The following DBX1 variants were observed in gnomAD, a reference collection of about 807,000 sequenced individuals.
DBX1 encodes homeobox protein DBX1.
DBX1 carries 10 observed loss-of-function variants against 20.8 expected under a neutral mutation model. The ratio of observed to expected loss-of-function variants is 0.48; its 90% CI spans 0.30 to 0.82. The LOEUF is 0.82. Among genes scored for constraint, DBX1 ranks in the 40% least tolerant of loss-of-function variants. The probability of loss-of-function intolerance (pLI) is 0.07; values close to 1 mark genes in which losing one functional copy is unlikely to be tolerated. For synonymous variants in DBX1, 241 were observed against 213.9 expected (o/e 1.13, Z -1.11); for missense variants, 505 against 468.8 (o/e 1.08, Z -0.71).
intron 2 of DBX1, among the ~76,000 whole-genome samples, chr11:20,157,807 T>C (rs574489714): frequency 5.3e-5 from 8 of 152,108 alleles, no homozygotes; most frequent in Non-Finnish European, 1.0e-4. Flanking sequence ...ACATGAAAAG[T>C]GGCAGCTAAT....
At position 20,156,718 on chromosome 11, in the gene DBX1, G is replaced by A. The variant is rs141377030; in HGVS notation, c.673-145C>T. Reference sequence around the variant, plus strand: ...CTCCCCACCCCCAGAAATGAGTTCCGGTGGATTCCCGCATTGACTCCGCCC... The same window carrying A: ...CTCCCCACCCCCAGAAATGAGTTCCAGTGGATTCCCGCATTGACTCCGCCC... On this transcript the variant is annotated intron_variant, in intron 3 of 3. Transcript: ENST00000524983. The surrounding 1 kb of genome is among the most constrained non-coding windows in gnomAD (Gnocchi z 4.8). 2 of 1,268,044 alleles carry A rather than the reference G, an allele frequency of 1.6e-6. No individual in the cohort carries two copies. The highest frequency in any genetic ancestry group is 2.3e-6 in the Non-Finnish European group (2 of 875,050). The allele number at this position is 1,268,044 out of a possible 1,614,324, so 78.5% of individuals were successfully genotyped here.
At position 20,156,666 on chromosome 11, in the gene DBX1, C is replaced by G. The variant is rs1472810666; in HGVS notation, c.673-93G>C. Reference sequence around the variant, plus strand: ...CGGGGGCGGGGAGTGGAGTCGGGTGCAGGCTCTGTCCTTCGGGCTGTGTCC... The same window carrying G: ...CGGGGGCGGGGAGTGGAGTCGGGTGGAGGCTCTGTCCTTCGGGCTGTGTCC... On this transcript the variant is annotated intron_variant, in intron 3 of 3. Transcript: ENST00000524983. The surrounding 1 kb of genome is among the most constrained non-coding windows in gnomAD (Gnocchi z 4.8). 6.4e-7 allele frequency: 1 copy of G among 1,563,678 alleles called. No homozygotes were observed.
chr11:20,157,220 G>C lies in DBX1; in HGVS notation c.489C>G (p.Pro163=). 6.3e-7 allele frequency: 1 copy of C among 1,580,722 alleles called. No individual in the cohort carries two copies. The highest frequency in any genetic ancestry group is 1.1e-5 in the South Asian group (1 of 87,636). The change falls in exon 3 of 4, where the codon CCC becomes CCG. Residue 163 remains proline (P), a synonymous_variant. Coordinates refer to ENST00000524983, the MANE Select transcript of DBX1 (RefSeq NM_001029865.4). Reference sequence around the variant, plus strand: ...GCGGCCAGGAGAAGGTCCCGGGGATGGGCACCACGCTGGAGGAAGCTGCAG... The same window carrying C: ...GCGGCCAGGAGAAGGTCCCGGGGATCGGCACCACGCTGGAGGAAGCTGCAG... ...SYFPASSSVV[P]IPGTFSWPLA... is the part of the protein sequence containing the mutation.
At position 20,159,209 on chromosome 11, in the gene DBX1, T is replaced by A; in HGVS notation, c.451A>T (p.Arg151Ter). 1 of 1,612,864 alleles carries A rather than the reference T, an allele frequency of 6.2e-7. No individual in the cohort carries two copies. The highest frequency in any genetic ancestry group is 8.5e-7 in the Non-Finnish European group (1 of 1,179,270). ...GACCTACCTGGGAAATAAGAAGATCTGATGAAAGGCTGAAAAGACCCTTCG... is the reference window on the plus strand; with the variant it reads ...GACCTACCTGGGAAATAAGAAGATCAGATGAAAGGCTGAAAAGACCCTTCG... ...YFEGSFQPFIRSSYFPASSSV... is the reference protein window; with the variant it reads ...YFEGSFQPFI Residue 151 changes from arginine (R) to a stop codon, truncating the protein, a stop_gained, in exon 2 of 4, where the codon AGA becomes TGA. Coordinates refer to ENST00000524983, the MANE Select transcript of DBX1 (RefSeq NM_001029865.4). LOFTEE classifies it high-confidence loss of function.
Position 20,160,052 on chromosome 11 carries a change from C to G in DBX1, c.273G>C (p.Arg91=). 1 of 1,583,082 alleles carries G rather than the reference C, an allele frequency of 6.3e-7. No homozygotes were observed. Among genetic ancestry groups the G allele is most frequent in the African/African-American group, 1.3e-5 (1 of 74,136 alleles). The change falls in exon 1 of 4, where the codon CGG becomes CGC. Residue 91 remains arginine (R), a synonymous_variant. Transcript: ENST00000524983. ...DLGSPGPGSR[R]GGSPPTAFSP... ...AGAAGGCAGTCGGCGGAGAGCCGCC[C>G]CGTCGGCTGCCGGGACCCGGGGAGC...
In DBX1 at chr11:20,157,251, G is replaced by A. The variant is rs2063664752; in HGVS notation, c.470-12C>T. On this transcript the variant is annotated splice_polypyrimidine_tract_variant and intron_variant, in intron 2 of 3. Coordinates refer to ENST00000524983, the MANE Select transcript of DBX1 (RefSeq NM_001029865.4). ...CACGCTGGAGGAAGCTGCAGGGTGG[G>A]GGGAGGTGGCGAGTGAGTGGGCGTA... The A allele has an allele frequency of 1.9e-6, 3 of 1,550,770 alleles. No homozygotes were observed. The highest frequency in any genetic ancestry group is 1.9e-5 in the Admixed American group (1 of 52,220).
In DBX1 at chr11:20,156,804, T is replaced by C. The variant is rs1218763949; in HGVS notation, c.673-231A>G. On this transcript the variant is annotated intron_variant, in intron 3 of 3. Coordinates refer to ENST00000524983, the MANE Select transcript of DBX1 (RefSeq NM_001029865.4). This position sits in a 1 kb window ranked among gnomAD's most constrained non-coding sequence, Gnocchi z 4.8. Reference sequence around the variant, plus strand: ...TGCCACCCTGCCCCGAAGGGCGGGGTTGGGGGCCGGTGAGGCCGGGAGAGA... The same window carrying C: ...TGCCACCCTGCCCCGAAGGGCGGGGCTGGGGGCCGGTGAGGCCGGGAGAGA... 1.1e-5 allele frequency: 9 copies of C among 791,946 alleles called. No homozygotes were observed. In the East Asian group the frequency reaches 2.4e-4, roughly 21 times the overall value. The allele number at this position is 791,946 out of a possible 1,614,324, so 49.1% of individuals were successfully genotyped here.
chr11:20,160,109 C>A lies in DBX1; in HGVS notation c.216G>T (p.Thr72=). The A allele has an allele frequency of 6.4e-7, 1 of 1,551,628 alleles. No individual in the cohort carries two copies. The highest frequency in any genetic ancestry group is 1.4e-5 in the African/African-American group (1 of 73,072). Residue 72 remains threonine, a synonymous_variant, in exon 1 of 4, where the codon ACG becomes ACT. Transcript: ENST00000524983. ...CCGAGGCCCCCGTGTCGGTGAGGGC[C>A]GTGGGGGCCCCCTGCCTGGGCGGCG... ...SMSPPRQGAP[T]ALTDTGASDL...
At chr11:20,157,558 G>C (rs1341718707) in intron 2 of DBX1, among the ~76,000 whole-genome samples, 2 of 152,110 alleles carry the variant, frequency 1.3e-5, no homozygotes, top group African/African-American at 4.8e-5. Flanking sequence ...AACAGCAATA[G>C]AAAAAATAAA....
At chr11:20,157,700 C>T (rs2063667213) in intron 2 of DBX1, among the ~76,000 whole-genome samples, 1 of 152,088 alleles carries the variant, frequency 6.6e-6, no homozygotes, top group Admixed American at 6.5e-5. Context: ...AGGGAAAAAT[C>T]CGATTTAGAT....
chr11:20,160,201 C>G lies in DBX1; in HGVS notation c.124G>C (p.Glu42Gln). ...AFSGHSSFLVEDLIRISRPPA... is the reference protein window; with the variant it reads ...AFSGHSSFLVQDLIRISRPPA... ...GGTCGGCTGATGCGGATCAGATCCTCCACCAGGAAGCTGGAGTGGCCGGAA... is the reference window on the plus strand; with the variant it reads ...GGTCGGCTGATGCGGATCAGATCCTGCACCAGGAAGCTGGAGTGGCCGGAA... The change falls in exon 1 of 4, where the codon GAG becomes CAG. Residue 42 changes from glutamate (E) to glutamine (Q), a missense_variant. Glu to Gln is a conservative substitution (Grantham distance 29, BLOSUM62 2). Transcript: ENST00000524983. 6.5e-7 allele frequency: 1 copy of G among 1,547,718 alleles called. No homozygotes were observed. The highest frequency in any genetic ancestry group is 8.7e-7 in the Non-Finnish European group (1 of 1,146,600).
intron 2 of DBX1, 76 bp from the exon 3 acceptor site, chr11:20,157,315 C>T: frequency 2.2e-6 from 3 of 1,342,628 alleles, no homozygotes; most frequent in Non-Finnish European, 3.1e-6. Context: ...TGGCTTTTTG[C>T]TCTGATCCCT....
chr11:20,158,860 G>A (rs1002408184), intron 2 of DBX1, among the ~76,000 whole-genome samples: 8 of 152,150 alleles, frequency 5.3e-5, no homozygotes, highest in Middle Eastern at 3.4e-3. Context: ...GGGGAATCGT[G>A]GCCAAGTGCA....
In DBX1 at chr11:20,156,473, T is replaced by A. The variant is rs867410878; in HGVS notation, c.773A>T (p.Lys258Met). The A allele has an allele frequency of 1.2e-6, 2 of 1,613,636 alleles. No homozygotes were observed. The highest frequency in any genetic ancestry group is 3.3e-4 in the Middle Eastern group (2 of 6,062). ...GGCREQTLPTKLNPHPDLSDV... is the reference protein window; with the variant it reads ...GGCREQTLPTMLNPHPDLSDV... ...GCTGAGGTCCGGGTGCGGATTGAGC[T>A]TGGTGGGCAGGGTCTGCTCGCGACA... Residue 258 changes from lysine (K) to methionine (M), a missense_variant, in exon 4 of 4, where the codon AAG becomes ATG. Transcript: ENST00000524983. This position sits in a 1 kb window ranked among gnomAD's most constrained non-coding sequence, Gnocchi z 4.8.
intron 1 of DBX1, 55 bp from the exon 2 acceptor site, chr11:20,159,347 T>C (rs2063676520): frequency 8.3e-7 from 1 of 1,207,838 alleles, no homozygotes; most frequent in Non-Finnish European, 1.2e-6. Flanking sequence ...AAGAATCTGA[T>C]TACGTACTTG....
In DBX1 at chr11:20,156,784, C is replaced by T; in HGVS notation, c.673-211G>A. On this transcript the variant is annotated intron_variant, in intron 3 of 3. Transcript: ENST00000524983. The surrounding 1 kb of genome is among the most constrained non-coding windows in gnomAD (Gnocchi z 4.8). ...GTTCCGTTTGCCTCATCCGCTGCCACCCTGCCCCGAAGGGCGGGGTTGGGG... is the reference window on the plus strand; with the variant it reads ...GTTCCGTTTGCCTCATCCGCTGCCATCCTGCCCCGAAGGGCGGGGTTGGGG... 1 of 871,338 alleles carries T rather than the reference C, an allele frequency of 1.1e-6. No homozygotes were observed. Among genetic ancestry groups the T allele is most frequent in the Non-Finnish European group, 1.8e-6 (1 of 550,452 alleles). 54.0% of individuals were successfully genotyped at this position (871,338 alleles called of 1,614,324 possible).
At position 20,157,187 on chromosome 11, in the gene DBX1, C is replaced by T. The variant is rs1247617567; in HGVS notation, c.522G>A (p.Ala174=). 1.2e-6 allele frequency: 2 copies of T among 1,601,522 alleles called. No individual in the cohort carries two copies. Among genetic ancestry groups the T allele is most frequent in the South Asian group, 1.1e-5 (1 of 89,582 alleles). The change falls in exon 3 of 4, where the codon GCG becomes GCA. Residue 174 remains alanine, a synonymous_variant. Transcript: ENST00000524983. ...GCATGCCCCGCCGAGGCTTCCCGCG[C>T]GCGGCCAGCGGCCAGGAGAAGGTCC... is the stretch of plus-strand genomic sequence containing the variant. The part of the protein sequence containing the change: ...IPGTFSWPLA[A]RGKPRRGMLR...
At position 20,157,171 on chromosome 11, in the gene DBX1, G is replaced by C. The variant is rs831464; in HGVS notation, c.538C>G (p.Arg180Gly). Residue 180 changes from arginine (R) to glycine (G), a missense_variant, in exon 3 of 4, where the codon CGG (arginine) becomes GGG (glycine). By Grantham distance (125) the Arg-to-Gly change is moderately radical (BLOSUM62 -2). Coordinates refer to ENST00000524983, the MANE Select transcript of DBX1 (RefSeq NM_001029865.4). Reference sequence around the variant, plus strand: ...AAGACTGCTCGACGCAGCATGCCCCGCCGAGGCTTCCCGCGCGCGGCCAGC... The same window carrying C: ...AAGACTGCTCGACGCAGCATGCCCCCCCGAGGCTTCCCGCGCGCGGCCAGC... ...WPLAARGKPR[R>G]GMLRRAVFSD... 6.2e-7 allele frequency: 1 copy of C among 1,608,304 alleles called. No homozygotes were observed. Among genetic ancestry groups the C allele is most frequent in the Non-Finnish European group, 8.5e-7 (1 of 1,178,040 alleles).
intron 1 of DBX1, 56 bp downstream of exon 1, chr11:20,159,902 T>C: frequency 1.2e-6 from 2 of 1,612,736 alleles, no homozygotes; most frequent in Admixed American, 3.3e-5. Context: ...GAGGCCAGGA[T>C]GACTCCGCGC....
Sources: allele counts gnomAD v4.1 joint callset (sites outside exome capture counted in the v4.1 genomes callset), GRCh38; gene constraint gnomAD v4.1.1; non-coding constraint Gnocchi (gnomAD v3.1); transcripts MANE v1.5; gene names NCBI Gene and HGNC (gene_info 2026-07-23, HGNC 2026-07-21).